The following EFCAB13 variants were observed in gnomAD, a reference collection of about 807,000 sequenced individuals.
EFCAB13 encodes EF-hand calcium-binding domain-containing protein 13.
A neutral mutation model predicts 110.2 loss-of-function variants in EFCAB13; 91 were observed. The observed-to-expected ratio is 0.83, with a 90% confidence interval of 0.70 to 0.98. The LOEUF (loss-of-function observed/expected upper bound fraction) is 0.98, where lower values mean the gene tolerates loss of function less well. EFCAB13 is among the 50% of genes least tolerant of loss of function. The pLI is 0.00. For missense variants in EFCAB13, 968 were observed against 1,119.4 expected (o/e 0.86, Z 1.93); for synonymous variants, 323 against 369.9 (o/e 0.87, Z 1.45).
chr17:47,343,312 A>G (rs1032126586), intron 6 of EFCAB13, among the ~76,000 whole-genome samples: 3 of 152,074 alleles, frequency 2.0e-5, no homozygotes, highest in Non-Finnish European at 4.4e-5. Flanking sequence ...TCCCTGGCCC[A>G]TATATTTAGT....
chr17:47,412,785 C>G lies in EFCAB13; in HGVS notation c.2291C>G (p.Ala764Gly). 1 of 1,613,092 alleles carries G rather than the reference C, an allele frequency of 6.2e-7. No individual in the cohort carries two copies. Among genetic ancestry groups the G allele is most frequent in the Non-Finnish European group, 8.5e-7 (1 of 1,179,554 alleles). ...KLPKVNEIKE[A>G]ANILSHVDNG... is the part of the protein sequence containing the mutation. The stretch of plus-strand genomic sequence containing the variant: ...TTTATCTTTGTAGAGATTAAAGAAG[C>G]TGCTAACATCTTGTCACATGTCGAT... Residue 764 changes from alanine (A) to glycine (G), a missense_variant, in exon 22 of 25, where the codon GCT (alanine) becomes GGT (glycine). Coordinates refer to ENST00000331493, the MANE Select transcript of EFCAB13 (RefSeq NM_152347.5).
At chr17:47,424,187 C>T (rs1290085396) in intron 23 of EFCAB13, among the ~76,000 whole-genome samples, 2 of 152,226 alleles carry the variant, frequency 1.3e-5, no homozygotes, top group African/African-American at 4.8e-5. Context: ...GAGCCGGCGC[C>T]AGCGTGGACG....
At chr17:47,347,779 TAAC>T (rs2065426072) in intron 8 of EFCAB13, 26 bp from the exon 9 acceptor site, 4 of 1,360,074 alleles carry the variant, frequency 2.9e-6, no homozygotes, top group Non-Finnish European at 3.8e-6. Context: ...TTTGATTAAC[TAAC>T]TAAATGTTTT....
chr17:47,367,656 G>A (rs79813522), intron 10 of EFCAB13, among the ~76,000 whole-genome samples: 3,465 of 152,228 alleles, frequency 0.023, 108 homozygotes, highest in East Asian at 0.18. Flanking sequence ...CACCCACTAC[G>A]TTTCTGGAAT....
At position 47,412,645 on chromosome 17, in the gene EFCAB13, T is replaced by C. The variant is rs572166038; in HGVS notation, c.2279-128T>C. 34 of 945,148 alleles carry C rather than the reference T, an allele frequency of 3.6e-5. No homozygotes were observed. In the African/African-American group the frequency reaches 5.3e-4, roughly 15 times the overall value. The allele number at this position is 945,148 out of a possible 1,614,324, so 58.5% of individuals were successfully genotyped here. On this transcript the variant is annotated intron_variant, in intron 21 of 24. Transcript: ENST00000331493. The stretch of plus-strand genomic sequence containing the variant: ...GCCATCAGTTACAAATAGAAAATAT[T>C]GTGTTTCCTTTGGAGAGATTTTGAT...
chr17:47,417,823 A>G (rs374849901), intron 23 of EFCAB13, among the ~76,000 whole-genome samples: 6 of 152,076 alleles, frequency 3.9e-5, no homozygotes, highest in African/African-American at 1.4e-4. Context: ...GTGGCATCCT[A>G]CTGAAGCCTT....
At chr17:47,434,732 T>A (rs1381117897) in intron 24 of EFCAB13, among the ~76,000 whole-genome samples, 1 of 151,998 alleles carries the variant, frequency 6.6e-6, no homozygotes, top group Non-Finnish European at 1.5e-5. Context: ...AACCCAGAAT[T>A]AAAGCCAAAT....
intron 5 of EFCAB13, among the ~76,000 whole-genome samples, chr17:47,336,326 G>C (rs1308198393): frequency 2.8e-5 from 4 of 144,868 alleles, no homozygotes; most frequent in Admixed American, 2.1e-4. Flanking sequence ...GAGTCTCGCT[G>C]TGTTGCCCAG....
intron 9 of EFCAB13, among the ~76,000 whole-genome samples, chr17:47,351,305 G>GTGTGTGTGTGTGTGTGCGCGCGCA (rs748940130): frequency 2.4e-4 from 27 of 113,168 alleles, no homozygotes; most frequent in Non-Finnish European, 3.3e-4. Flanking sequence ...GTGTGTGTGT[G>GTGTGTGTGTGTGTGTGCGCGCGCA]CGCGCGCGCG....
intron 20 of EFCAB13, among the ~76,000 whole-genome samples, chr17:47,407,063 C>T (rs977917956): frequency 6.6e-6 from 1 of 151,586 alleles, no homozygotes; most frequent in Non-Finnish European, 1.5e-5. Flanking sequence ...TGATGATTCT[C>T]TAAAATGGGT....
At chr17:47,377,398 A>G (rs1035915001) in intron 12 of EFCAB13, among the ~76,000 whole-genome samples, 2 of 152,022 alleles carry the variant, frequency 1.3e-5, no homozygotes, top group Non-Finnish European at 2.9e-5. Flanking sequence ...TTGACCTCCA[A>G]TGACCCACCT....
intron 17 of EFCAB13, among the ~76,000 whole-genome samples, chr17:47,398,013 G>A (rs577285556): frequency 1.2e-3 from 177 of 148,916 alleles, no homozygotes; most frequent in African/African-American, 4.0e-3. Context: ...CGGGAGGGAG[G>A]TGGGGGGATC....
At chr17:47,393,346 C>T (rs1159146534) in intron 15 of EFCAB13, among the ~76,000 whole-genome samples, 1 of 152,104 alleles carries the variant, frequency 6.6e-6, no homozygotes, top group Non-Finnish European at 1.5e-5. Flanking sequence ...TTGCATATCC[C>T]ATGGTTTAGA....
chr17:47,439,182 T>G lies in EFCAB13; in HGVS notation c.2639-1249T>G, dbSNP rs913813497. 4.4e-4 allele frequency among the ~76,000 whole-genome samples: 56 copies of G among 128,096 alleles called. 1 individual carries two copies. The highest frequency in any genetic ancestry group is 1.5e-3 in the African/African-American group (53 of 35,640). 84.0% of individuals were successfully genotyped at this position (128,096 alleles called of 152,430 possible). A position where few individuals can be genotyped will look rare whatever the true frequency, so the allele number is the denominator to read the frequency against. ...TTCCTCTTTGTTTTGTTTTTTTTTT[T>G]TTTTTTTTTTTTTAGACAGATTCTT... On this transcript the variant is annotated intron_variant, in intron 24 of 24. Transcript: ENST00000331493.
intron 10 of EFCAB13, chr17:47,369,512 A>G (rs1386622825): frequency 6.6e-6 from 1 of 152,648 alleles, no homozygotes; most frequent in Admixed American, 6.5e-5. Flanking sequence ...ATGGTACCAA[A>G]AGTTTATTTT....
intron 23 of EFCAB13, among the ~76,000 whole-genome samples, chr17:47,427,127 G>C (rs1904988996): frequency 6.6e-6 from 1 of 152,022 alleles, no homozygotes; most frequent in Non-Finnish European, 1.5e-5. Flanking sequence ...TGATTAAAAA[G>C]TTACAAAGTC....
At chr17:47,375,585 C>T (rs1477270901) in intron 12 of EFCAB13, among the ~76,000 whole-genome samples, 1 of 152,106 alleles carries the variant, frequency 6.6e-6, no homozygotes, top group Non-Finnish European at 1.5e-5. Context: ...CATGAGCCAC[C>T]ACGTCCGGCC....
intron 9 of EFCAB13, among the ~76,000 whole-genome samples, chr17:47,350,344 G>C (rs979747135): frequency 5.3e-5 from 8 of 152,030 alleles, no homozygotes; most frequent in Non-Finnish European, 1.0e-4. Context: ...TTAACTGCTA[G>C]ACTAATTCTC....
intron 5 of EFCAB13, among the ~76,000 whole-genome samples, chr17:47,338,342 TG>T (rs1484191041): frequency 1.3e-5 from 2 of 151,580 alleles, no homozygotes; most frequent in Admixed American, 1.3e-4. Flanking sequence ...CTGGAACTCC[TG>T]GGCTTAAGGG....
Sources: allele counts gnomAD v4.1 joint callset (sites outside exome capture counted in the v4.1 genomes callset), GRCh38; gene constraint gnomAD v4.1.1; transcripts MANE v1.5; gene names NCBI Gene and HGNC (gene_info 2026-07-23, HGNC 2026-07-21).